The following MCMDC2 variants were observed in gnomAD, a reference collection of about 807,000 sequenced individuals.
The protein encoded by MCMDC2 is minichromosome maintenance domain containing 2, also known as minichromosome maintenance domain-containing protein 2.
Under a neutral mutation model 75.8 loss-of-function variants are expected in MCMDC2, and 54 were observed. The observed-to-expected ratio is 0.71, with a 90% CI of 0.57 to 0.89. The LOEUF (loss-of-function observed/expected upper bound fraction) is 0.89. Among genes scored for constraint, MCMDC2 ranks in the 40% least tolerant of loss-of-function variants. The pLI, the probability that MCMDC2 is intolerant of heterozygous loss-of-function variation, is 0.00. For missense variants in MCMDC2, 656 were observed against 780.4 expected (o/e 0.84, Z 1.90); for synonymous variants, 249 against 274.6 (o/e 0.91, Z 0.92).
chr8:66,898,361 C>T (rs1812458867), intron 12 of MCMDC2, among the ~76,000 whole-genome samples: 1 of 152,008 alleles, frequency 6.6e-6, no homozygotes, highest in African/African-American at 2.4e-5. Context: ...CAAGGTGGCT[C>T]ACGCCTGTAA....
Position 66,896,873 on chromosome 8 carries a change from G to A in MCMDC2, c.1540G>A (p.Val514Met), listed in dbSNP as rs763993027. The change falls in exon 12 of 15, where the codon GTG becomes ATG. Residue 514 changes from valine to methionine, a missense_variant. Physicochemically the swap from Val to Met is conservative, Grantham distance 21. Transcript: ENST00000422365. ...TCCCTGCCACCCATTTCTTCCTACTGTGCAACACACTTTGAACAAAGCCAT... is the reference window on the plus strand; with the variant it reads ...TCCCTGCCACCCATTTCTTCCTACTATGCAACACACTTTGAACAAAGCCAT... The part of the protein sequence containing the change: ...SSPCHPFLPT[V>M]QHTLNKAINP... The A allele has an allele frequency of 8.7e-6, 14 of 1,613,440 alleles. No individual in the cohort carries two copies. The African/African-American group carries it at 1.7e-4, about 20-fold the overall frequency.
At chr8:66,878,731 T>A (rs1563368732) in intron 6 of MCMDC2, 35 bp downstream of exon 6, 3 of 1,483,162 alleles carry the variant, frequency 2.0e-6, no homozygotes, top group Non-Finnish European at 2.7e-6. Flanking sequence ...TTATAATTTT[T>A]AAAATAGTGT....
intron 13 of MCMDC2, among the ~76,000 whole-genome samples, chr8:66,903,744 T>C (rs962208402): frequency 6.6e-6 from 1 of 152,204 alleles, no homozygotes; most frequent in Non-Finnish European, 1.5e-5. Flanking sequence ...TCTTTGCTTT[T>C]CTAGAGAAGT....
In MCMDC2 at chr8:66,890,888, T is replaced by G; in HGVS notation, c.1097T>G (p.Leu366Arg). ...IDRLLNFSIN[L>R]VPRGIRHLVS... ...AGGCTTCTGAATTTTAGCATAAACC[T>G]TGTCCCCCGTGGTATACGTCATCTA... Residue 366 changes from leucine (L) to arginine (R), a missense_variant, in exon 10 of 15, where the codon CTT (leucine) becomes CGT (arginine). Transcript: ENST00000422365. The G allele has an allele frequency of 1.9e-6, 3 of 1,609,680 alleles. No homozygotes were observed. Among genetic ancestry groups the G allele is most frequent in the Non-Finnish European group, 2.5e-6 (3 of 1,179,058 alleles).
chr8:66,906,580 T>C (rs545939389), intron 14 of MCMDC2, among the ~76,000 whole-genome samples: 5 of 152,062 alleles, frequency 3.3e-5, no homozygotes, highest in African/African-American at 9.7e-5. Context: ...AGAGCATTAA[T>C]TTTTATGAAA....
chr8:66,919,293 T>C lies in MCMDC2; in HGVS notation c.*124T>C, dbSNP rs1585920732. ...TACAGGAATATATTACAATACTGTT[T>C]TTAAAAATATAAAATATAGTCCCCT... On this transcript the variant is annotated 3_prime_UTR_variant, in exon 15 of 15. Transcript: ENST00000422365. 1 of 709,004 alleles carries C rather than the reference T, an allele frequency of 1.4e-6. No homozygotes were observed. Among genetic ancestry groups the C allele is most frequent in the Non-Finnish European group, 2.1e-6 (1 of 474,124 alleles). The allele number at this position is 709,004 out of a possible 1,614,324, so 43.9% of individuals were successfully genotyped here.
chr8:66,922,318 A>T (rs565706996), downstream of MCMDC2: 1 of 297,922 alleles, frequency 3.4e-6, no homozygotes, highest in East Asian at 8.8e-5. Context: ...TTGACAAATC[A>T]CTTACTTGAG....
At chr8:66,902,711 A>AAAAAAATAT (rs1467425752) in intron 13 of MCMDC2, among the ~76,000 whole-genome samples, 7 of 67,916 alleles carry the variant, frequency 1.0e-4, no homozygotes, top group African/African-American at 3.7e-4. Context: ...AAAAAAAAAA[A>AAAAAAATAT]ATATATATAT....
At position 66,887,310 on chromosome 8, in the gene MCMDC2, T is replaced by A. The variant is rs146381877; in HGVS notation, c.1073+3316T>A. On this transcript the variant is annotated intron_variant, in intron 9 of 14. Transcript: ENST00000422365. ...ACCCCAGCACTTTGGGAGACTGAGGTGGGCGGATCACCTGAAGTCAGGAGT... is the reference window on the plus strand; with the variant it reads ...ACCCCAGCACTTTGGGAGACTGAGGAGGGCGGATCACCTGAAGTCAGGAGT... Among the ~76,000 whole-genome samples the A allele has an allele frequency of 1.3e-3, 191 of 148,854 alleles. 2 individuals carry two copies. The East Asian group carries it at 0.036, about 28-fold the overall frequency.
chr8:66,874,608 G>A (rs771911491), intron 4 of MCMDC2, 22 bp downstream of exon 4: 3 of 1,595,730 alleles, frequency 1.9e-6, no homozygotes, highest in South Asian at 2.3e-5. Context: ...TTACATTTAA[G>A]CAAACTCAGG....
At chr8:66,898,060 AAAG>A (rs1196713260) in intron 12 of MCMDC2, among the ~76,000 whole-genome samples, 1 of 152,124 alleles carries the variant, frequency 6.6e-6, no homozygotes, top group Non-Finnish European at 1.5e-5. Flanking sequence ...AGAATAGAAA[AAAG>A]AATAATATTT....
chr8:66,922,594 CATT>C (rs1813596029), downstream of MCMDC2: 1 of 512,190 alleles, frequency 2.0e-6, no homozygotes. Context: ...ACATAACTAA[CATT>C]AATTAAATTT....
chr8:66,924,921 T>A (rs900679834), downstream of MCMDC2, among the ~76,000 whole-genome samples: 4 of 152,134 alleles, frequency 2.6e-5, no homozygotes, highest in Admixed American at 6.6e-5. Context: ...CTGCGCTCAT[T>A]ACAGTTTCAA....
At chr8:66,878,766 A>C (rs763430831) in intron 6 of MCMDC2, 49 bp from the exon 7 acceptor site, 2 of 1,440,046 alleles carry the variant, frequency 1.4e-6, no homozygotes, top group Admixed American at 4.5e-5. Flanking sequence ...TGGAAATTAA[A>C]TTGAATATAT....
At chr8:66,883,687 G>A in intron 8 of MCMDC2, 70 bp from the exon 9 acceptor site, 1 of 774,712 alleles carries the variant, frequency 1.3e-6, no homozygotes, top group Non-Finnish European at 2.1e-6. Context: ...TAGATAAAGG[G>A]AGTCAAATAT....
chr8:66,896,928 C>G lies in MCMDC2; in HGVS notation c.1595C>G (p.Ser532Cys), dbSNP rs745457409. ...CCTGAAGGGCTGTTTTATGCGGCTT[C>G]TAGACAGTTCACAACTGAAGATTTT... ...INPEGLFYAA[S>C]RQFTTEDFEK... The change falls in exon 12 of 15, where the codon TCT becomes TGT. Residue 532 changes from serine (S) to cysteine (C), a missense_variant. Coordinates refer to ENST00000422365, the MANE Select transcript of MCMDC2 (RefSeq NM_173518.5). 6.2e-7 allele frequency: 1 copy of G among 1,608,920 alleles called. No homozygotes were observed. Among genetic ancestry groups the G allele is most frequent in the Non-Finnish European group, 8.5e-7 (1 of 1,177,778 alleles).
At chr8:66,899,484 TC>T (rs1812528485) in intron 12 of MCMDC2, among the ~76,000 whole-genome samples, 1 of 152,158 alleles carries the variant, frequency 6.6e-6, no homozygotes. Context: ...ACATGTCCAA[TC>T]TAGGACATGT....
chr8:66,906,290 A>G (rs1416774914), intron 14 of MCMDC2, among the ~76,000 whole-genome samples: 1 of 152,224 alleles, frequency 6.6e-6, no homozygotes, highest in Non-Finnish European at 1.5e-5. Flanking sequence ...TAAAGAATGT[A>G]TTAACACTAG....
chr8:66,894,037 G>A (rs1301007406), intron 10 of MCMDC2, among the ~76,000 whole-genome samples: 1 of 152,126 alleles, frequency 6.6e-6, no homozygotes, highest in Non-Finnish European at 1.5e-5. Flanking sequence ...GAGACACATG[G>A]ATGCCTGTTT....
Sources: gnomAD v4.1 joint callset for allele counts (sites outside exome capture counted in the v4.1 genomes callset) on GRCh38, gnomAD v4.1.1 for gene constraint, MANE v1.5 for transcripts, NCBI Gene and HGNC (gene_info 2026-07-23, HGNC 2026-07-21) for gene names.